The following NEK11 variants were observed in gnomAD, a reference collection of about 807,000 sequenced individuals.
NEK11 encodes the protein NIMA related kinase 11, also known as serine/threonine-protein kinase Nek11.
Under a neutral mutation model 80.7 loss-of-function variants are expected in NEK11, and 72 were observed. That is an observed-to-expected ratio of 0.89 (90% confidence interval 0.74 to 1.08). The LOEUF (loss-of-function observed/expected upper bound fraction) is 1.08, where lower values mean the gene tolerates loss of function less well. Ranked by LOEUF, NEK11 falls within the 50% of genes least tolerant of loss-of-function variation. The probability of loss-of-function intolerance (pLI) is 0.00; values close to 1 mark genes in which losing one functional copy is unlikely to be tolerated. For synonymous variants in NEK11, 251 were observed against 260.7 expected (o/e 0.96, Z 0.36); for missense variants, 764 against 763.6 (o/e 1.00, Z -0.01).
chr3:131,161,301 A>G (rs1560713125), intron 10 of NEK11, among the ~76,000 whole-genome samples: 2 of 152,320 alleles, frequency 1.3e-5, no homozygotes, highest in South Asian at 4.1e-4. Context: ...TAAAAATAGA[A>G]TACCATTTGA....
intron 9 of NEK11, among the ~76,000 whole-genome samples, chr3:131,154,269 T>C (rs2090233889): frequency 6.6e-6 from 1 of 151,736 alleles, no homozygotes; most frequent in African/African-American, 2.4e-5. Flanking sequence ...TGAAGAGGCT[T>C]TGAGCATTCA....
chr3:131,283,121 T>C (rs1235006243), intron 17 of NEK11, among the ~76,000 whole-genome samples: 1 of 152,196 alleles, frequency 6.6e-6, no homozygotes, highest in Non-Finnish European at 1.5e-5. Context: ...GTGGCAAGGC[T>C]ACACTTCAAA....
chr3:131,088,937 T>C (rs1347731654), intron 4 of NEK11, among the ~76,000 whole-genome samples: 2 of 152,202 alleles, frequency 1.3e-5, no homozygotes, highest in African/African-American at 4.8e-5. Flanking sequence ...TACAATATAA[T>C]GACAAAGGAT....
intron 17 of NEK11, among the ~76,000 whole-genome samples, chr3:131,316,033 C>A (rs558826762): frequency 2.0e-5 from 3 of 152,058 alleles, no homozygotes; most frequent in African/African-American, 7.2e-5. Flanking sequence ...TATGGATATA[C>A]AAAGAAAATT....
chr3:131,065,969 CAA>C (rs1486934254), intron 3 of NEK11, among the ~76,000 whole-genome samples: 6 of 152,150 alleles, frequency 3.9e-5, no homozygotes, highest in African/African-American at 7.2e-5. Flanking sequence ...GCCTAAGACA[CAA>C]GAGTCCAGCA....
chr3:131,103,149 A>G (rs1391265333), intron 4 of NEK11, among the ~76,000 whole-genome samples: 1 of 152,188 alleles, frequency 6.6e-6, no homozygotes, highest in Non-Finnish European at 1.5e-5. Context: ...TCCAGAGTCC[A>G]CATTCTATGT....
At chr3:131,251,473 G>T (rs1162218968) in intron 16 of NEK11, among the ~76,000 whole-genome samples, 1 of 151,960 alleles carries the variant, frequency 6.6e-6, no homozygotes, top group African/African-American at 2.4e-5. Context: ...GAAGATTATA[G>T]TAAACTAAAT....
chr3:131,325,795 A>C (rs2096957970), intron 17 of NEK11: 1 of 152,232 alleles, frequency 6.6e-6, no homozygotes, highest in Admixed American at 6.5e-5. Context: ...CTAGTCAGAT[A>C]CCAGTCTCGA....
intron 16 of NEK11, among the ~76,000 whole-genome samples, chr3:131,268,514 A>G (rs535934388): frequency 1.6e-4 from 25 of 152,264 alleles, no homozygotes; most frequent in African/African-American, 5.8e-4. Flanking sequence ...TTTTCCTTCT[A>G]ACAGCCAGAC....
rs143387916 is a variant in NEK11, at chr3:131,101,714, G to A, written c.337-8089G>A. Reference sequence around the variant, plus strand: ...CATATATATTCTGTGGTTGTTGGATGGAGTGTTCTATAAATGTTTATTATG... The same window carrying A: ...CATATATATTCTGTGGTTGTTGGATAGAGTGTTCTATAAATGTTTATTATG... On this transcript the variant is annotated intron_variant, in intron 4 of 17. Transcript: ENST00000383366. Among the ~76,000 whole-genome samples the A allele has an allele frequency of 5.3e-3, 814 of 152,274 alleles. 11 individuals are homozygous for A. The highest frequency in any genetic ancestry group is 0.017 in the African/African-American group (719 of 41,550).
At chr3:131,203,555 T>G (rs2094324699) in intron 14 of NEK11, among the ~76,000 whole-genome samples, 1 of 150,000 alleles carries the variant, frequency 6.7e-6, no homozygotes, top group African/African-American at 2.4e-5. Context: ...TTTGTGCACA[T>G]GTACCCTAAA....
intron 5 of NEK11, among the ~76,000 whole-genome samples, chr3:131,129,783 A>T (rs2084083912): frequency 6.6e-6 from 1 of 151,988 alleles, no homozygotes; most frequent in African/African-American, 2.4e-5. Flanking sequence ...TGGGCTCTCT[A>T]TTCTGTTTTA....
chr3:131,187,246 G>A (rs1392192875), intron 14 of NEK11, among the ~76,000 whole-genome samples: 1 of 152,132 alleles, frequency 6.6e-6, no homozygotes, highest in African/African-American at 2.4e-5. Context: ...ATAATTACAC[G>A]TGGTTAGTGG....
In NEK11 at chr3:131,324,468, C is replaced by A. The variant is rs546030113; in HGVS notation, c.1719-25089C>A. ...CCTTTGTGATTTTTAAAAAATTGTC[C>A]TTTGTAAATCTAGTTATTCTAGTTA... On this transcript the variant is annotated intron_variant, in intron 17 of 17. Coordinates refer to ENST00000383366, the MANE Select transcript of NEK11 (RefSeq NM_024800.5). Among the ~76,000 whole-genome samples the A allele has an allele frequency of 2.0e-5, 3 of 152,196 alleles. No individual in the cohort carries two copies. In the East Asian group the frequency reaches 5.8e-4, roughly 29 times the overall value.
chr3:131,118,277 T>A (rs1226940058), intron 5 of NEK11, among the ~76,000 whole-genome samples: 1 of 152,184 alleles, frequency 6.6e-6, no homozygotes, highest in Non-Finnish European at 1.5e-5. Context: ...GGATTACGTT[T>A]ATTGATTTGC....
At chr3:131,158,074 C>T (rs963494639) in intron 10 of NEK11, among the ~76,000 whole-genome samples, 1 of 152,098 alleles carries the variant, frequency 6.6e-6, no homozygotes, top group Admixed American at 6.5e-5. Flanking sequence ...TCTTACCCAT[C>T]AGAGGGGGCT....
intron 4 of NEK11, among the ~76,000 whole-genome samples, chr3:131,081,625 T>C (rs1429000111): frequency 1.3e-5 from 2 of 152,140 alleles, no homozygotes; most frequent in Non-Finnish European, 2.9e-5. Context: ...TCCCAGAATA[T>C]TATGGAAGCT....
At chr3:131,132,687 G>T (rs2084720114) in intron 5 of NEK11, 58 bp from the exon 6 acceptor site, 2 of 848,176 alleles carry the variant, frequency 2.4e-6, no homozygotes, top group Admixed American at 5.0e-5. Context: ...TTATTTACAT[G>T]GGGATTTAAA....
intron 7 of NEK11, among the ~76,000 whole-genome samples, chr3:131,138,837 C>A (rs2086216338): frequency 6.6e-6 from 1 of 152,150 alleles, no homozygotes; most frequent in South Asian, 2.1e-4. Context: ...GGGGTGGCCC[C>A]AATGCAGATG....
Sources: allele counts gnomAD v4.1 joint callset (sites outside exome capture counted in the v4.1 genomes callset), GRCh38; gene constraint gnomAD v4.1.1; transcripts MANE v1.5; gene names NCBI Gene and HGNC (gene_info 2026-07-23, HGNC 2026-07-21).